The following MTAP variants were observed in gnomAD, a reference collection of about 807,000 sequenced individuals.
MTAP encodes methylthioadenosine phosphorylase, also known as S-methyl-5'-thioadenosine phosphorylase.
In MTAP, 33 loss-of-function variants were observed where a neutral mutation model predicts 33.6. The observed-to-expected ratio is 0.98, with a 90% CI of 0.74 to 1.31. MTAP has a LOEUF of 1.31. Among genes scored for constraint, MTAP ranks in the 40% most tolerant of loss-of-function variants. The pLI, the probability that MTAP is intolerant of heterozygous loss-of-function variation, is 0.00. For synonymous variants in MTAP, 148 were observed against 125.7 expected (o/e 1.18, Z -1.19); for missense variants, 367 against 360.0 (o/e 1.02, Z -0.16).
intron 5 of MTAP, among the ~76,000 whole-genome samples, chr9:21,853,091 T>C (rs1168210916): frequency 1.3e-5 from 2 of 152,220 alleles, no homozygotes; most frequent in African/African-American, 2.4e-5. Flanking sequence ...GTGGCTGACA[T>C]ATATTCATAG....
chr9:21,916,944 G>C (rs1818703095), intron 1 of MTAP, among the ~76,000 whole-genome samples: 1 of 152,174 alleles, frequency 6.6e-6, no homozygotes, highest in African/African-American at 2.4e-5. Flanking sequence ...GAGAAATAGA[G>C]TTGGCCCAGA....
intron 4 of MTAP, 108 bp from the exon 5 acceptor site, chr9:21,837,800 T>G: frequency 1.2e-6 from 1 of 818,814 alleles, no homozygotes; most frequent in South Asian, 1.6e-5. Flanking sequence ...GAGTCTGGAG[T>G]AAAGACCCAA....
At chr9:21,833,339 T>C (rs10119971) in intron 4 of MTAP, among the ~76,000 whole-genome samples, 100,213 of 151,990 alleles carry the variant, frequency 0.66, 33,807 homozygotes, top group African/African-American at 0.81. Flanking sequence ...TGTGACACCA[T>C]ACCCAGCTAA....
At chr9:21,833,433 C>T (rs556640189) in intron 4 of MTAP, among the ~76,000 whole-genome samples, 1 of 152,186 alleles carries the variant, frequency 6.6e-6, no homozygotes, top group African/African-American at 2.4e-5. Flanking sequence ...GTTCCACCCA[C>T]CTTGGCCTCC....
chr9:21,842,352 A>G (rs1328526000), intron 5 of MTAP, among the ~76,000 whole-genome samples: 1 of 152,224 alleles, frequency 6.6e-6, no homozygotes, highest in Admixed American at 6.5e-5. Flanking sequence ...ATTTGAGGAA[A>G]ACTTTGCTGG....
chr9:21,930,388 TA>T, intron 1 of MTAP: 1 of 204,294 alleles, frequency 4.9e-6, no homozygotes, highest in Non-Finnish European at 9.8e-6. Context: ...GCCTCCTCAT[TA>T]AATGGACTGG....
At chr9:21,823,914 G>T (rs1049736879) in intron 4 of MTAP, among the ~76,000 whole-genome samples, 1 of 152,170 alleles carries the variant, frequency 6.6e-6, no homozygotes, top group Admixed American at 6.5e-5. Flanking sequence ...ACTGAGGCTT[G>T]TGCATTCGTC....
chr9:21,869,970 A>G (rs1825912254), downstream of MTAP, among the ~76,000 whole-genome samples: 1 of 152,130 alleles, frequency 6.6e-6, no homozygotes, highest in East Asian at 1.9e-4. Context: ...TCCTCTCACT[A>G]CTGTCCTCTT....
At chr9:21,811,582 C>T in intron 1 of MTAP, 2 of 426,456 alleles carry the variant, frequency 4.7e-6, no homozygotes, top group Admixed American at 2.6e-5. Context: ...AAAGGGTTCA[C>T]ACCACTTCCA....
At chr9:21,895,961 C>T (rs906746990) in intron 1 of MTAP, among the ~76,000 whole-genome samples, 1 of 152,186 alleles carries the variant, frequency 6.6e-6, no homozygotes, top group East Asian at 1.9e-4. Flanking sequence ...AATATACATT[C>T]TTCTCAGCAC....
At chr9:21,884,707 G>T (rs1818080420) in intron 1 of MTAP, among the ~76,000 whole-genome samples, 1 of 152,068 alleles carries the variant, frequency 6.6e-6, no homozygotes, top group South Asian at 2.1e-4. Context: ...CATCATGGGG[G>T]CTCCACTTCC....
At chr9:21,824,906 C>T (rs138339324) in intron 4 of MTAP, among the ~76,000 whole-genome samples, 1,815 of 152,296 alleles carry the variant, frequency 0.012, 28 homozygotes, top group African/African-American at 0.042. Flanking sequence ...GAGCTATGCA[C>T]GGGATATAAT....
intron 1 of MTAP, among the ~76,000 whole-genome samples, chr9:21,872,801 A>C (rs895917637): frequency 6.6e-6 from 1 of 152,198 alleles, no homozygotes; most frequent in South Asian, 2.1e-4. Context: ...TAGACAGATC[A>C]GACCTTTCAA....
Position 21,908,507 on chromosome 9 carries a change from T to C in MTAP, c.148-22501T>C, listed in dbSNP as rs112847931. On this transcript the variant is annotated intron_variant, in intron 1 of 1. Transcript: ENST00000577563. ...ATTGCTGGGTCATATGGTAGTTGCA[T>C]GTTTAGTTTCTTAACAAGCTCCAAC... is the stretch of plus-strand genomic sequence containing the variant. Among the ~76,000 whole-genome samples, 156 of 152,272 alleles carry C rather than the reference T, an allele frequency of 1.0e-3. 3 individuals are homozygous for C. Among genetic ancestry groups the C allele is most frequent in the African/African-American group, 3.6e-3 (148 of 41,582 alleles).
chr9:21,811,165 G>A (rs372077557), intron 1 of MTAP, among the ~76,000 whole-genome samples: 7 of 152,170 alleles, frequency 4.6e-5, no homozygotes, highest in Non-Finnish European at 1.0e-4. Flanking sequence ...AGTCTCAACC[G>A]CTTGGGGTGA....
chr9:21,940,097 C>CAGGACCCTTA (rs967181237), downstream of MTAP, among the ~76,000 whole-genome samples: 9 of 152,160 alleles, frequency 5.9e-5, no homozygotes, highest in African/African-American at 2.2e-4. Flanking sequence ...GCCTGGCCAA[C>CAGGACCCTTA]AGGACCCTTA....
chr9:21,908,155 G>A (rs1818504639), intron 1 of MTAP, among the ~76,000 whole-genome samples: 1 of 152,052 alleles, frequency 6.6e-6, no homozygotes, highest in African/African-American at 2.4e-5. Context: ...GGTAACCACT[G>A]ATTCTTTCTC....
At chr9:21,856,531 C>A (rs1054108474) in intron 6 of MTAP, among the ~76,000 whole-genome samples, 12 of 152,138 alleles carry the variant, frequency 7.9e-5, no homozygotes, top group African/African-American at 2.9e-4. Flanking sequence ...AAACTCCAGC[C>A]CCTGCCACAC....
chr9:21,931,364 AC>A, downstream of MTAP: 1 of 510,800 alleles, frequency 2.0e-6, no homozygotes, highest in African/African-American at 1.9e-5. Flanking sequence ...GGGAGGAGAG[AC>A]CCCCTCCAAC....
Sources: gnomAD v4.1 joint callset for allele counts (sites outside exome capture counted in the v4.1 genomes callset) on GRCh38, gnomAD v4.1.1 for gene constraint, MANE v1.5 for transcripts, NCBI Gene and HGNC (gene_info 2026-07-23, HGNC 2026-07-21) for gene names.